Variants in SYN3 observed in about 807,000 individuals in gnomAD.
SYN3 encodes the protein synapsin-3.
A neutral mutation model predicts 65.8 loss-of-function variants in SYN3; 35 were observed. The observed-to-expected ratio is 0.53, with a 90% confidence interval of 0.41 to 0.70. SYN3 has a LOEUF of 0.70. Ranked by LOEUF, SYN3 falls within the 30% of genes least tolerant of loss-of-function variation. The pLI, the probability that SYN3 is intolerant of heterozygous loss-of-function variation, is 0.00. For missense variants in SYN3, 680 were observed against 749.0 expected, an observed-to-expected ratio of 0.91 and a Z score of 1.08; for synonymous variants, 270 against 292.9, an observed-to-expected ratio of 0.92 and a Z score of 0.80.
intron 6 of SYN3, among the ~76,000 whole-genome samples, chr22:32,807,378 A>AATAT (rs1409769451): frequency 9.2e-6 from 1 of 108,242 alleles, no homozygotes; most frequent in Non-Finnish European, 1.7e-5. Flanking sequence ...TATTATATAT[A>AATAT]ATATATATTA....
At chr22:32,956,943 T>G (rs1192391374) in intron 3 of SYN3, among the ~76,000 whole-genome samples, 1 of 152,208 alleles carries the variant, frequency 6.6e-6, no homozygotes, top group Non-Finnish European at 1.5e-5. Flanking sequence ...CAACACTTGT[T>G]ATTTTCTGTT....
rs1459546608 is a variant in SYN3, at chr22:32,513,520, G to A, written c.*172C>T. On this transcript the variant is annotated 3_prime_UTR_variant, in exon 14 of 14. Coordinates refer to ENST00000358763, the MANE Select transcript of SYN3 (RefSeq NM_003490.4). ...TCAGACAATGCTGGAATGTCACGGTGAAGGAAAATGGGAACAAATATAGAT... is the reference window on the plus strand; with the variant it reads ...TCAGACAATGCTGGAATGTCACGGTAAAGGAAAATGGGAACAAATATAGAT... 1.1e-6 allele frequency: 1 copy of A among 896,444 alleles called. No homozygotes were observed. The highest frequency in any genetic ancestry group is 2.7e-5 in the East Asian group (1 of 37,698). 55.5% of individuals were successfully genotyped at this position (896,444 alleles called of 1,614,324 possible).
chr22:32,612,814 G>A (rs1026966042), intron 6 of SYN3, among the ~76,000 whole-genome samples: 10 of 152,070 alleles, frequency 6.6e-5, no homozygotes, highest in African/African-American at 2.2e-4. Flanking sequence ...ACTCCAGCCT[G>A]GGTGACAAAG....
rs1245054549 is a variant in SYN3, at chr22:32,650,249, C to T, written c.712-53513G>A. The stretch of plus-strand genomic sequence containing the variant: ...TCTCTCTCTCCCTCCCTCCCTCCCT[C>T]CCTCCCTCCCTCTCTCTCTCTCTCT... On this transcript the variant is annotated intron_variant, in intron 6 of 13. Transcript: ENST00000358763. 1.2e-3 allele frequency among the ~76,000 whole-genome samples: 129 copies of T among 105,730 alleles called. 2 individuals carry two copies. The highest frequency in any genetic ancestry group is 7.0e-3 in the African/African-American group (115 of 16,378). 69.4% of individuals were successfully genotyped at this position (105,730 alleles called of 152,430 possible).
intron 7 of SYN3, among the ~76,000 whole-genome samples, chr22:32,580,098 C>T (rs921782910): frequency 6.6e-6 from 1 of 152,242 alleles, no homozygotes; most frequent in African/African-American, 2.4e-5. Context: ...GCTGAGGTCA[C>T]TGGGTACAGC....
rs137556 is a variant in SYN3, at chr22:32,935,448, A to ATT, written c.370-3969_370-3968dup. Among the ~76,000 whole-genome samples the ATT allele has an allele frequency of 6.0e-4, 74 of 124,058 alleles. 1 individual carries two copies. The highest frequency in any genetic ancestry group is 4.4e-3 in the Middle Eastern group (1 of 228). 81.4% of individuals were successfully genotyped at this position (124,058 alleles called of 152,430 possible). A position where few individuals can be genotyped will look rare whatever the true frequency, so the allele number is the denominator to read the frequency against. On this transcript the variant is annotated intron_variant, in intron 3 of 13. Transcript: ENST00000358763. ...TGACCTCTAAGGCTTTTGGTATGGT[A>ATT]TTTTTTTTTTTTTTTTTTTGAGATG...
chr22:33,055,955 A>G (rs2054247961), intron 1 of SYN3, among the ~76,000 whole-genome samples: 1 of 152,202 alleles, frequency 6.6e-6, no homozygotes, highest in African/African-American at 2.4e-5. Flanking sequence ...CAATCCACCA[A>G]TGAAAGCACT....
chr22:32,708,232 G>A (rs143409595), intron 6 of SYN3, among the ~76,000 whole-genome samples: 84 of 152,366 alleles, frequency 5.5e-4, no homozygotes, highest in African/African-American at 1.9e-3. Context: ...ATGATGAAGA[G>A]TATTTATTAC....
chr22:32,820,688 G>A (rs1238724877), intron 6 of SYN3, among the ~76,000 whole-genome samples: 1 of 152,132 alleles, frequency 6.6e-6, no homozygotes, highest in Non-Finnish European at 1.5e-5. Flanking sequence ...TTACCCCCAG[G>A]CACCAAGGAG....
chr22:32,564,803 G>A (rs2058639770), intron 7 of SYN3, among the ~76,000 whole-genome samples: 1 of 144,372 alleles, frequency 6.9e-6, no homozygotes, highest in Non-Finnish European at 1.5e-5. Context: ...CACCCAAACA[G>A]TGCTCCCGCA....
chr22:32,806,429 C>T (rs130270), intron 6 of SYN3, among the ~76,000 whole-genome samples: 23,896 of 152,196 alleles, frequency 0.16, 2,409 homozygotes, highest in East Asian at 0.35. Flanking sequence ...GATTCTCCAT[C>T]GCACTTGGCT....
chr22:32,646,291 G>C (rs2059982943), intron 6 of SYN3, among the ~76,000 whole-genome samples: 1 of 152,160 alleles, frequency 6.6e-6, no homozygotes, highest in Admixed American at 6.5e-5. Context: ...CACTGTCTTG[G>C]AACTAACTCA....
chr22:32,675,071 G>A (rs999156378), intron 6 of SYN3, among the ~76,000 whole-genome samples: 1 of 152,194 alleles, frequency 6.6e-6, no homozygotes, highest in Admixed American at 6.5e-5. Context: ...TCTAGTCTGA[G>A]CTCTTGTTTC....
chr22:32,917,532 T>C (rs1401652060), intron 4 of SYN3, among the ~76,000 whole-genome samples: 1 of 152,108 alleles, frequency 6.6e-6, no homozygotes, highest in Non-Finnish European at 1.5e-5. Context: ...CCGGGCAATT[T>C]CTCCCACAGT....
intron 6 of SYN3, among the ~76,000 whole-genome samples, chr22:32,742,869 C>A (rs995952064): frequency 6.6e-6 from 1 of 152,188 alleles, no homozygotes; most frequent in Admixed American, 6.5e-5. Flanking sequence ...ACAGCTCACA[C>A]GAATAGCTAT....
chr22:33,031,063 A>C (rs1034264398), intron 1 of SYN3, among the ~76,000 whole-genome samples: 2 of 152,212 alleles, frequency 1.3e-5, no homozygotes, highest in Admixed American at 6.5e-5. Context: ...CCAGCTGTGG[A>C]TGTGGCAGCA....
chr22:32,582,249 T>G (rs1427937785), intron 7 of SYN3, among the ~76,000 whole-genome samples: 3 of 152,216 alleles, frequency 2.0e-5, no homozygotes, highest in Non-Finnish European at 4.4e-5. Context: ...TTTGCATCCC[T>G]TGGTCAAAAC....
chr22:32,838,259 G>C (rs764831987), intron 6 of SYN3, among the ~76,000 whole-genome samples: 3 of 152,174 alleles, frequency 2.0e-5, no homozygotes, highest in African/African-American at 4.8e-5. Flanking sequence ...GGAGAAGGAG[G>C]GGGGGTGGCA....
At chr22:32,884,184 A>C (rs2049226792) in intron 4 of SYN3, among the ~76,000 whole-genome samples, 1 of 152,190 alleles carries the variant, frequency 6.6e-6, no homozygotes, top group South Asian at 2.1e-4. Flanking sequence ...ACACCTAACA[A>C]ATTTCTAAAA....
Sources: gnomAD v4.1 joint callset for allele counts (sites outside exome capture counted in the v4.1 genomes callset) on GRCh38, gnomAD v4.1.1 for gene constraint, MANE v1.5 for transcripts, NCBI Gene and HGNC (gene_info 2026-07-23, HGNC 2026-07-21) for gene names.